The following NSUN4 variants were observed in gnomAD, a reference collection of about 807,000 sequenced individuals.
The protein encoded by NSUN4 is NOP2/Sun RNA methyltransferase 4.
In NSUN4, 31 loss-of-function variants were observed where a neutral mutation model predicts 43.8. The observed-to-expected ratio is 0.71, with a 90% confidence interval of 0.53 to 0.96. The LOEUF (loss-of-function observed/expected upper bound fraction) is 0.96, where lower values mean the gene tolerates loss of function less well. NSUN4 is among the 40% of genes least tolerant of loss of function. The pLI, the probability that NSUN4 is intolerant of heterozygous loss-of-function variation, is 0.00. For missense variants in NSUN4, 439 were observed against 475.6 expected (o/e 0.92, Z 0.72); for synonymous variants, 167 against 184.1 (o/e 0.91, Z 0.75).
intron 4 of NSUN4, among the ~76,000 whole-genome samples, chr1:46,360,440 A>T (rs535848222): frequency 4.8e-4 from 41 of 85,954 alleles, no homozygotes; most frequent in Admixed American, 3.5e-3. Context: ...TCTAAAAATT[A>T]AAAAAAAAAA....
At position 46,364,692 on chromosome 1, in the gene NSUN4, A is replaced by T. The variant is rs1440761936; in HGVS notation, c.*2846A>T. On this transcript the variant is annotated 3_prime_UTR_variant, in exon 6 of 6. Coordinates refer to ENST00000474844, the MANE Select transcript of NSUN4 (RefSeq NM_199044.4). The stretch of plus-strand genomic sequence containing the variant: ...ATTTCGATAAATAAGTAAATAAATA[A>T]ATAAAGTCTGAAGCTCCACTGGTCA... 6.6e-6 allele frequency: 1 copy of T among 152,158 alleles called. No homozygotes were observed. The highest frequency in any genetic ancestry group is 2.4e-5 in the African/African-American group (1 of 41,432). The allele number at this position is 152,158 out of a possible 1,614,324, so 9.4% of individuals were successfully genotyped here. A position where few individuals can be genotyped will look rare whatever the true frequency, so the allele number is the denominator to read the frequency against.
chr1:46,351,790 G>A (rs1459366183), intron 3 of NSUN4, among the ~76,000 whole-genome samples: 1 of 144,562 alleles, frequency 6.9e-6, no homozygotes, highest in Admixed American at 7.2e-5. Flanking sequence ...TCAGCCTCCC[G>A]AGTAGCTGGG....
intron 3 of NSUN4, among the ~76,000 whole-genome samples, chr1:46,352,046 T>A (rs1478090755): frequency 6.6e-6 from 1 of 151,758 alleles, no homozygotes; most frequent in Non-Finnish European, 1.5e-5. Context: ...CAGGCTGGTC[T>A]TGAACTCCTG....
At chr1:46,367,005 GA>G (rs1285810367), downstream of NSUN4, among the ~76,000 whole-genome samples, 2 of 152,122 alleles carry the variant, frequency 1.3e-5, no homozygotes, top group African/African-American at 4.8e-5. Context: ...GCCGTTCTCA[GA>G]AAAATAAAGA....
At chr1:46,356,029 A>G (rs1663344919) in intron 4 of NSUN4, among the ~76,000 whole-genome samples, 1 of 149,432 alleles carries the variant, frequency 6.7e-6, no homozygotes, top group South Asian at 2.2e-4. Flanking sequence ...AAAAAAAAAA[A>G]CTAGTTGTGT....
At chr1:46,350,411 G>A (rs183071162) in intron 3 of NSUN4, among the ~76,000 whole-genome samples, 215 of 152,202 alleles carry the variant, frequency 1.4e-3, no homozygotes, top group Non-Finnish European at 2.9e-3. Flanking sequence ...TTACTAAGCT[G>A]GTTCATAGTA....
rs972160054 is a variant in NSUN4, at chr1:46,348,805, A to G, written c.592+1730A>G. Among the ~76,000 whole-genome samples, 18 of 91,522 alleles carry G rather than the reference A, an allele frequency of 2.0e-4. 1 individual carries two copies. The Admixed American group carries it at 2.0e-3, about 10-fold the overall frequency. The allele number at this position is 91,522 out of a possible 152,430, so 60.0% of individuals were successfully genotyped here. On this transcript the variant is annotated intron_variant, in intron 3 of 5. Transcript: ENST00000474844. ...AAGTAGCCCAGCGAAGGCCTTGTGCACTGTTTTTTTTTTTTTTTTTTTTTT... is the reference window on the plus strand; with the variant it reads ...AAGTAGCCCAGCGAAGGCCTTGTGCGCTGTTTTTTTTTTTTTTTTTTTTTT...
the NSUN4 span, among the ~76,000 whole-genome samples, chr1:46,380,341 C>T: frequency 1.3e-5 from 2 of 152,216 alleles, no homozygotes; most frequent in African/African-American, 4.8e-5. Context: ...GTAACTCTTG[C>T]ATGAATGACC....
At chr1:46,344,358 G>A (rs1352435888) in intron 1 of NSUN4, 1 of 165,984 alleles carries the variant, frequency 6.0e-6, no homozygotes, top group South Asian at 2.0e-4. Flanking sequence ...ATCTTACTGA[G>A]CTATCAGTTG....
At chr1:46,359,066 T>G (rs972848948) in intron 4 of NSUN4, among the ~76,000 whole-genome samples, 4 of 152,086 alleles carry the variant, frequency 2.6e-5, no homozygotes, top group African/African-American at 9.7e-5. Context: ...GAGACCAACC[T>G]GGCCAATATG....
At chr1:46,350,460 A>T (rs531131110) in intron 3 of NSUN4, among the ~76,000 whole-genome samples, 1 of 152,342 alleles carries the variant, frequency 6.6e-6, no homozygotes, top group South Asian at 2.1e-4. Context: ...TGCATCTCGC[A>T]TTCTTTACCA....
chr1:46,343,157 A>G, intron 1 of NSUN4: 1 of 192,374 alleles, frequency 5.2e-6, no homozygotes, highest in Admixed American at 1.5e-4. Context: ...ATCCCTGCCC[A>G]CTGTCTGGCT....
In NSUN4 at chr1:46,358,384, C is replaced by T. The variant is rs534579862; in HGVS notation, c.754-2320C>T. Among the ~76,000 whole-genome samples, 13 of 146,956 alleles carry T rather than the reference C, an allele frequency of 8.8e-5. No individual in the cohort carries two copies. The East Asian group carries it at 2.6e-3, about 30-fold the overall frequency. On this transcript the variant is annotated intron_variant, in intron 4 of 5. Coordinates refer to ENST00000474844, the MANE Select transcript of NSUN4 (RefSeq NM_199044.4). ...GTGCTGGGATTATAGGCATGAGCTACTGCTCCTGGCCTAATTTTTTTTTTT... is the reference window on the plus strand; with the variant it reads ...GTGCTGGGATTATAGGCATGAGCTATTGCTCCTGGCCTAATTTTTTTTTTT...
chr1:46,343,599 C>T lies in NSUN4; in HGVS notation c.94-1202C>T, dbSNP rs76008820. 973 of 400,216 alleles carry T rather than the reference C, an allele frequency of 2.4e-3. 6 individuals are homozygous for T. Among genetic ancestry groups the T allele is most frequent in the African/African-American group, 0.017 (846 of 48,722 alleles). 24.8% of individuals were successfully genotyped at this position (400,216 alleles called of 1,614,324 possible). ...CAAGAGTCCCCATGATGGCAGAAGT[C>T]AGAGCTGGAGCAAGAGGCATCATCT... On this transcript the variant is annotated intron_variant, in intron 1 of 5. Coordinates refer to ENST00000474844, the MANE Select transcript of NSUN4 (RefSeq NM_199044.4).
the NSUN4 span, among the ~76,000 whole-genome samples, chr1:46,371,392 A>G: frequency 2.2e-5 from 3 of 135,796 alleles, no homozygotes; most frequent in Non-Finnish European, 3.1e-5. Flanking sequence ...TGCAAGCTCC[A>G]CCTCCTGGGT....
intron 1 of NSUN4, chr1:46,342,580 C>T (rs374806217): frequency 3.8e-5 from 15 of 399,512 alleles, no homozygotes; most frequent in African/African-American, 1.2e-4. Flanking sequence ...ATCCTAACCC[C>T]GGACACCACA....
chr1:46,351,698 T>C (rs1309997492), intron 3 of NSUN4, among the ~76,000 whole-genome samples: 1 of 132,930 alleles, frequency 7.5e-6, no homozygotes, highest in African/African-American at 2.8e-5. Flanking sequence ...GGAGCCTTGC[T>C]CTGTCGCCCA....
rs151033046 is a variant in NSUN4, at chr1:46,352,914, A to G, written c.639A>G (p.Leu213=). The G allele has an allele frequency of 2.3e-3, 3,763 of 1,614,160 alleles. 4 individuals are homozygous for G. The highest frequency in any genetic ancestry group is 2.9e-3 in the Non-Finnish European group (3,449 of 1,179,990). Residue 213 remains leucine (L), a synonymous_variant, in exon 4 of 6, where the codon CTA becomes CTG. Transcript: ENST00000474844. The part of the protein sequence containing the change: ...NDLSPSRIAR[L]QKILHSYVPE... ...TCTCCCCGTCCCGAATAGCCAGACTACAGAAGATCCTTCACAGCTATGTGC... is the reference window on the plus strand; with the variant it reads ...TCTCCCCGTCCCGAATAGCCAGACTGCAGAAGATCCTTCACAGCTATGTGC...
chr1:46,344,575 G>A (rs1019584718), intron 1 of NSUN4, among the ~76,000 whole-genome samples: 1 of 152,044 alleles, frequency 6.6e-6, no homozygotes, highest in African/African-American at 2.4e-5. Flanking sequence ...GATGACCCCC[G>A]CACAGTACCG....
Sources: gnomAD v4.1 joint callset for allele counts (sites outside exome capture counted in the v4.1 genomes callset) on GRCh38, gnomAD v4.1.1 for gene constraint, MANE v1.5 for transcripts, NCBI Gene and HGNC (gene_info 2026-07-23, HGNC 2026-07-21) for gene names.